The following PLXNA4 variants were observed in gnomAD, a reference collection of about 807,000 sequenced individuals.
PLXNA4 encodes plexin A4.
In PLXNA4, 44 loss-of-function variants were observed where a neutral mutation model predicts 191.8. The ratio of observed to expected loss-of-function variants is 0.23; its 90% CI spans 0.18 to 0.29. The LOEUF is 0.29. Ranked by LOEUF, PLXNA4 falls within the 10% of genes least tolerant of loss-of-function variation. PLXNA4 has a pLI of 1.00. For missense variants in PLXNA4, 1,800 were observed against 2,488.8 expected (o/e 0.72, Z 5.89); for synonymous variants, 1,082 against 1,009.5 (o/e 1.07, Z -1.36).
intron 4 of PLXNA4, among the ~76,000 whole-genome samples, chr7:132,251,636 T>C (rs368088586): frequency 1.3e-5 from 2 of 152,216 alleles, no homozygotes; most frequent in South Asian, 4.1e-4. Context: ...AGCAATGCTC[T>C]GGCTGTTCAA....
intron 2 of PLXNA4, among the ~76,000 whole-genome samples, chr7:132,496,453 A>G (rs1207190041): frequency 6.6e-6 from 1 of 152,116 alleles, no homozygotes; most frequent in African/African-American, 2.4e-5. Flanking sequence ...CCAGGGTGGA[A>G]TGCAGTGGCA....
intron 3 of PLXNA4, among the ~76,000 whole-genome samples, chr7:132,365,250 T>C (rs1189549664): frequency 1.3e-5 from 2 of 152,092 alleles, no homozygotes; most frequent in Non-Finnish European, 2.9e-5. Context: ...TAGTGAATAA[T>C]GGTCCCTTGA....
At chr7:132,157,346 C>T (rs959757247) in intron 25 of PLXNA4, among the ~76,000 whole-genome samples, 1 of 152,212 alleles carries the variant, frequency 6.6e-6, no homozygotes, top group African/African-American at 2.4e-5. Context: ...TTGTCTGCTG[C>T]TGTTTCCACT....
At chr7:132,271,686 A>G (rs539382643) in intron 4 of PLXNA4, among the ~76,000 whole-genome samples, 3 of 152,258 alleles carry the variant, frequency 2.0e-5, no homozygotes, top group East Asian at 1.9e-4. Context: ...GGATGTAACT[A>G]TCAAGCAGAG....
intron 4 of PLXNA4, among the ~76,000 whole-genome samples, chr7:132,278,494 C>A (rs189145004): frequency 2.6e-5 from 4 of 152,170 alleles, no homozygotes; most frequent in Admixed American, 2.6e-4. Context: ...GTCAACTAAG[C>A]GCCTACCACC....
At chr7:132,321,878 G>T (rs1802182168) in intron 3 of PLXNA4, among the ~76,000 whole-genome samples, 1 of 152,096 alleles carries the variant, frequency 6.6e-6, no homozygotes, top group South Asian at 2.1e-4. Context: ...TGGGGCGGAG[G>T]GGGCATAGGA....
At chr7:132,626,556 T>C (rs1803377524) in intron 2 of PLXNA4, among the ~76,000 whole-genome samples, 2 of 152,166 alleles carry the variant, frequency 1.3e-5, no homozygotes, top group Non-Finnish European at 2.9e-5. Flanking sequence ...TTTAAAAGTG[T>C]GCAGCATCTC....
At position 132,227,472 on chromosome 7, in the gene PLXNA4, G is replaced by C. The variant is rs533775501; in HGVS notation, c.1861C>G (p.Pro621Ala). Residue 621 changes from proline (P) to alanine (A), a missense_variant, in exon 7 of 32, where the codon CCC (proline) becomes GCC (alanine). Coordinates refer to ENST00000321063, the MANE Select transcript of PLXNA4 (RefSeq NM_020911.2). ...TCACCATTCTCTGTGATGATCCGGG[G>C]CACCTCCTTGGCTGCAGGGGAGTAG... ...QCYSPAAKEVPRIITENGDHH... is the reference protein window; with the variant it reads ...QCYSPAAKEVARIITENGDHH... The C allele has an allele frequency of 8.7e-6, 14 of 1,614,056 alleles. No individual in the cohort carries two copies. The highest frequency in any genetic ancestry group is 1.2e-5 in the Non-Finnish European group (14 of 1,180,038).
intron 4 of PLXNA4, among the ~76,000 whole-genome samples, chr7:132,297,553 A>G (rs897705541): frequency 2.0e-4 from 30 of 152,146 alleles, no homozygotes; most frequent in African/African-American, 7.2e-4. Context: ...GGTGGGCTCC[A>G]TGGCATTTGC....
At chr7:132,254,882 A>G (rs2117097525) in intron 4 of PLXNA4, among the ~76,000 whole-genome samples, 1 of 152,294 alleles carries the variant, frequency 6.6e-6, no homozygotes, top group Middle Eastern at 3.4e-3. Context: ...AATGGCTATT[A>G]GAGCTATATT....
At position 132,561,534 on chromosome 7, in the gene PLXNA4, T is replaced by TCTC. The variant is rs1179336574; in HGVS notation, c.-87+14885_-87+14887dup. Among the ~76,000 whole-genome samples, 166 of 56,104 alleles carry TCTC rather than the reference T, an allele frequency of 3.0e-3. 1 individual carries two copies. The highest frequency in any genetic ancestry group is 3.3e-3 in the Non-Finnish European group (106 of 31,906). The allele number at this position is 56,104 out of a possible 152,430, so 36.8% of individuals were successfully genotyped here. A position where few individuals can be genotyped will look rare whatever the true frequency, so the allele number is the denominator to read the frequency against. On this transcript the variant is annotated intron_variant, in intron 1 of 31. Coordinates refer to ENST00000321063, the MANE Select transcript of PLXNA4 (RefSeq NM_020911.2). ...TCCTCCTCCTTCTCCTCCTCCTCCTTCTCCTCCTCCTTCTCCTCCTCCTTC... is the reference window on the plus strand; with the variant it reads ...TCCTCCTCCTTCTCCTCCTCCTCCTTCTCCTCCTCCTCCTTCTCCTCCTCCTTC...
intron 9 of PLXNA4, 82 bp from the exon 10 acceptor site, chr7:132,211,225 C>A: frequency 7.0e-7 from 1 of 1,423,650 alleles, no homozygotes; most frequent in Non-Finnish European, 9.5e-7. Context: ...CCCGGATGTT[C>A]CCTGTCTCCA....
intron 3 of PLXNA4, among the ~76,000 whole-genome samples, chr7:132,436,294 G>A (rs1022285518): frequency 3.3e-5 from 5 of 152,214 alleles, no homozygotes; most frequent in African/African-American, 9.7e-5. Context: ...TCCGTCTATG[G>A]GGACAATGGG....
Position 132,123,523 on chromosome 7 carries a change from C to CT in PLXNA4, c.*6955dup, listed in dbSNP as rs1563041029. 1 of 151,708 alleles carries CT rather than the reference C, an allele frequency of 6.6e-6. No homozygotes were observed. Among genetic ancestry groups the CT allele is most frequent in the African/African-American group, 2.4e-5 (1 of 41,088 alleles). The allele number at this position is 151,708 out of a possible 1,614,324, so 9.4% of individuals were successfully genotyped here. On this transcript the variant is annotated 3_prime_UTR_variant, in exon 32 of 32. Coordinates refer to ENST00000321063, the MANE Select transcript of PLXNA4 (RefSeq NM_020911.2). ...CTCCAATTTAAATAGCACAGGTTTC[C>CT]TTTTTAAAAACTTTTTAATTTTTTT...
chr7:132,605,591 A>T (rs938316806), intron 2 of PLXNA4, among the ~76,000 whole-genome samples: 2 of 152,026 alleles, frequency 1.3e-5, no homozygotes, highest in Admixed American at 6.6e-5. Context: ...GCAGAGTTGG[A>T]ACTTGGTTTG....
At chr7:132,561,607 TCTCTTCCTCCTCCTC>T (rs1239801040) in intron 1 of PLXNA4, among the ~76,000 whole-genome samples, 5 of 42,416 alleles carry the variant, frequency 1.2e-4, no homozygotes, top group East Asian at 9.4e-4. Context: ...TCCTCCTCCT[TCTCTTCCTCCTCCTC>T]CTCTTCCTCC....
At chr7:132,406,619 A>G (rs1347478352) in intron 3 of PLXNA4, among the ~76,000 whole-genome samples, 1 of 152,140 alleles carries the variant, frequency 6.6e-6, no homozygotes, top group Non-Finnish European at 1.5e-5. Flanking sequence ...TCTCAAATTT[A>G]TAAAACCAAA....
intron 5 of PLXNA4, among the ~76,000 whole-genome samples, chr7:132,235,786 TG>T (rs1798679724): frequency 6.6e-6 from 1 of 152,076 alleles, no homozygotes; most frequent in Admixed American, 6.5e-5. Context: ...GAGAGGGGGC[TG>T]GGGACCTGCC....
At chr7:132,368,625 C>T (rs1474619640) in intron 3 of PLXNA4, among the ~76,000 whole-genome samples, 1 of 152,206 alleles carries the variant, frequency 6.6e-6, no homozygotes, top group Non-Finnish European at 1.5e-5. Context: ...CTGATGGACA[C>T]ACAGGTGTGG....
Sources: allele counts gnomAD v4.1 joint callset (sites outside exome capture counted in the v4.1 genomes callset), GRCh38; gene constraint gnomAD v4.1.1; transcripts MANE v1.5; gene names NCBI Gene and HGNC (gene_info 2026-07-23, HGNC 2026-07-21).